NR3C2: variants seen among roughly 807,000 people sequenced by gnomAD.
NR3C2 encodes the protein nuclear receptor subfamily 3 group C member 2, also known as mineralocorticoid receptor.
In NR3C2, 15 loss-of-function variants were observed where a neutral mutation model predicts 86.4. The observed-to-expected ratio is 0.17, with a 90% CI of 0.12 to 0.27. NR3C2 has a LOEUF of 0.27. Among genes scored for constraint, NR3C2 ranks in the 10% least tolerant of loss-of-function variants. NR3C2 has a pLI of 1.00. For missense variants in NR3C2, 960 were observed against 1,195.6 expected (o/e 0.80, Z 2.91); for synonymous variants, 458 against 450.5 (o/e 1.02, Z -0.21).
rs138067006 is a variant in NR3C2, at chr4:148,368,642, C to T, written c.1757+66462G>A. 2.2e-3 allele frequency among the ~76,000 whole-genome samples: 336 copies of T among 152,074 alleles called. 1 individual carries two copies. The highest frequency in any genetic ancestry group is 5.2e-3 in the Admixed American group (79 of 15,260). The stretch of plus-strand genomic sequence containing the variant: ...AACTTTACATCAATATATAATGGTT[C>T]GCTGAATTTCAAATGTGGGGAGAAA... On this transcript the variant is annotated intron_variant, in intron 2 of 8. Coordinates refer to ENST00000358102, the MANE Select transcript of NR3C2 (RefSeq NM_000901.5).
chr4:148,285,017 A>G (rs1741443167), intron 2 of NR3C2, among the ~76,000 whole-genome samples: 1 of 152,192 alleles, frequency 6.6e-6, no homozygotes, highest in Non-Finnish European at 1.5e-5. Context: ...TGGACTCAGA[A>G]GCCAATTCTC....
chr4:148,330,962 G>A (rs1225787830), intron 2 of NR3C2, among the ~76,000 whole-genome samples: 4 of 152,038 alleles, frequency 2.6e-5, no homozygotes, highest in African/African-American at 7.3e-5. Context: ...GCTTCTTAAG[G>A]CCCTCACCAG....
At chr4:148,409,195 T>C (rs772810702) in intron 2 of NR3C2, among the ~76,000 whole-genome samples, 27 of 152,180 alleles carry the variant, frequency 1.8e-4, no homozygotes, top group Non-Finnish European at 3.1e-4. Context: ...TAGGAGAATA[T>C]GTGCATTCTC....
At chr4:148,355,404 C>T (rs1745503076) in intron 2 of NR3C2, among the ~76,000 whole-genome samples, 1 of 152,218 alleles carries the variant, frequency 6.6e-6, no homozygotes, top group Non-Finnish European at 1.5e-5. Context: ...TGCTCAGTCT[C>T]TCTTTTGCCC....
chr4:148,205,098 T>C (rs189254580), intron 3 of NR3C2, among the ~76,000 whole-genome samples: 1 of 152,264 alleles, frequency 6.6e-6, no homozygotes, highest in Admixed American at 6.5e-5. Flanking sequence ...GTTCAGTGGG[T>C]CCTTATTTGC....
upstream of NR3C2, chr4:148,443,946 G>A (rs942669729): frequency 7.2e-6 from 7 of 966,302 alleles, no homozygotes; most frequent in Non-Finnish European, 8.6e-6. Context: ...AGCGCCGCGA[G>A]CTGGTCCTGA....
At chr4:148,405,766 CAG>C (rs1748389966) in intron 2 of NR3C2, among the ~76,000 whole-genome samples, 1 of 152,214 alleles carries the variant, frequency 6.6e-6, no homozygotes, top group Non-Finnish European at 1.5e-5. Flanking sequence ...GTGGGGGACT[CAG>C]AGTCTGTCTG....
chr4:148,303,608 C>T (rs1007872949), intron 2 of NR3C2, among the ~76,000 whole-genome samples: 1 of 151,970 alleles, frequency 6.6e-6, no homozygotes, highest in Admixed American at 6.6e-5. Context: ...GTCCATACAA[C>T]CCCCCGAGAT....
Position 148,368,408 on chromosome 4 carries a change from A to AGAAGAAAATCGAATCGTGG in NR3C2, c.1757+66677_1757+66695dup, listed in dbSNP as rs1431931142. The AGAAGAAAATCGAATCGTGG allele has an allele frequency of 3.3e-5, 5 of 152,320 alleles. No homozygotes were observed. The South Asian group carries it at 8.3e-4, about 25-fold the overall frequency. The allele number at this position is 152,320 out of a possible 1,614,324, so 9.4% of individuals were successfully genotyped here. On this transcript the variant is annotated intron_variant, in intron 2 of 8. Transcript: ENST00000358102. ...TACAACCGAATTACTACCTCTTCAA[A>AGAAGAAAATCGAATCGTGG]GAAGAAAATCGAATCGTGGGAAGAA...
At chr4:148,147,051 C>G (rs1167437525) in intron 6 of NR3C2, among the ~76,000 whole-genome samples, 2 of 152,024 alleles carry the variant, frequency 1.3e-5, no homozygotes, top group Middle Eastern at 3.2e-3. Context: ...TAAGCTATTT[C>G]AAGGTAAAAT....
chr4:148,231,201 T>A (rs980535581), intron 3 of NR3C2, among the ~76,000 whole-genome samples: 4 of 152,232 alleles, frequency 2.6e-5, no homozygotes, highest in African/African-American at 4.8e-5. Flanking sequence ...AATTCTCTAA[T>A]GCATGTAAGG....
chr4:148,309,698 T>A (rs768720678), intron 2 of NR3C2, among the ~76,000 whole-genome samples: 41 of 152,234 alleles, frequency 2.7e-4, no homozygotes, highest in Non-Finnish European at 7.3e-5. Context: ...AGTGTTTTTA[T>A]GAACAGAATT....
chr4:148,384,421 G>C (rs951617014), intron 2 of NR3C2, among the ~76,000 whole-genome samples: 5 of 151,866 alleles, frequency 3.3e-5, no homozygotes, highest in Non-Finnish European at 7.4e-5. Context: ...TTTTTTCTAA[G>C]AGAAAATACT....
At chr4:148,340,211 C>A (rs1430679455) in intron 2 of NR3C2, among the ~76,000 whole-genome samples, 3 of 152,082 alleles carry the variant, frequency 2.0e-5, no homozygotes, top group African/African-American at 7.2e-5. Flanking sequence ...CAAAGTAATT[C>A]TGAGCAAAAA....
chr4:148,395,788 G>T (rs1369377237), intron 2 of NR3C2, among the ~76,000 whole-genome samples: 1 of 152,168 alleles, frequency 6.6e-6, no homozygotes, highest in African/African-American at 2.4e-5. Context: ...TTATTATGAT[G>T]GCAAAGAACA....
At chr4:148,189,232 A>C (rs969958168) in intron 4 of NR3C2, among the ~76,000 whole-genome samples, 1 of 152,056 alleles carries the variant, frequency 6.6e-6, no homozygotes, top group African/African-American at 2.4e-5. Context: ...CCCAGCTGGG[A>C]GTTTTAATCA....
chr4:148,225,255 C>T (rs1449596827), intron 3 of NR3C2, among the ~76,000 whole-genome samples: 2 of 152,114 alleles, frequency 1.3e-5, no homozygotes, highest in Admixed American at 1.3e-4. Flanking sequence ...CTATAGGAAA[C>T]ATATTGAGGT....
At chr4:148,214,409 T>C (rs111953261) in intron 3 of NR3C2, among the ~76,000 whole-genome samples, 1 of 152,296 alleles carries the variant, frequency 6.6e-6, no homozygotes, top group African/African-American at 2.4e-5. Context: ...AACTATGTTA[T>C]ATACCCACTT....
chr4:148,140,899 C>A (rs1359261497), intron 6 of NR3C2, among the ~76,000 whole-genome samples: 3 of 152,148 alleles, frequency 2.0e-5, no homozygotes, highest in Non-Finnish European at 4.4e-5. Flanking sequence ...GCTTCATTAA[C>A]TCCTTAGGAA....
Sources: gnomAD v4.1 joint callset for allele counts (sites outside exome capture counted in the v4.1 genomes callset) on GRCh38, gnomAD v4.1.1 for gene constraint, MANE v1.5 for transcripts, NCBI Gene and HGNC (gene_info 2026-07-23, HGNC 2026-07-21) for gene names.